The following SLC5A12 variants were observed in gnomAD, a reference collection of about 807,000 sequenced individuals.
SLC5A12 encodes the protein solute carrier family 5 member 12.
Under a neutral mutation model 72.7 loss-of-function variants are expected in SLC5A12, and 46 were observed. The observed-to-expected ratio is 0.63, with a 90% CI of 0.50 to 0.81. The LOEUF (loss-of-function observed/expected upper bound fraction) is 0.81, where lower values mean the gene tolerates loss of function less well. SLC5A12 is among the 30% of genes least tolerant of loss of function. The pLI is 0.00. For synonymous variants in SLC5A12, 275 were observed against 264.4 expected, an observed-to-expected ratio of 1.04 and a Z score of -0.39; for missense variants, 683 against 740.7, an observed-to-expected ratio of 0.92 and a Z score of 0.90.
Position 26,681,208 on chromosome 11 carries a change from C to T in SLC5A12, c.1322G>A (p.Gly441Asp). 1 of 1,595,442 alleles carries T rather than the reference C, an allele frequency of 6.3e-7. No homozygotes were observed. ...PFVNWKGALG[G>D]LLTGITLSFW... ...TGACAAGGTGATTCCAGTAAGAAGA[C>T]CTCCTAGTGCACCCTGGATGAAGAA... Residue 441 changes from glycine to aspartate, a missense_variant, in exon 12 of 15, where the codon GGT becomes GAT. Coordinates refer to ENST00000396005, the MANE Select transcript of SLC5A12 (RefSeq NM_178498.4).
intron 13 of SLC5A12, among the ~76,000 whole-genome samples, chr11:26,676,380 A>T (rs1250535846): frequency 2.0e-5 from 3 of 151,622 alleles, no homozygotes; most frequent in African/African-American, 7.3e-5. Context: ...AAAAAAAAAG[A>T]AAACAGGTAG....
chr11:26,695,282 T>C (rs1423421309), intron 8 of SLC5A12, among the ~76,000 whole-genome samples: 1 of 151,982 alleles, frequency 6.6e-6, no homozygotes, highest in Non-Finnish European at 1.5e-5. Context: ...TAGAAGAATA[T>C]AGAATGTAAT....
At chr11:26,680,362 T>TAA (rs1565185747) in intron 12 of SLC5A12, among the ~76,000 whole-genome samples, 36 of 101,586 alleles carry the variant, frequency 3.5e-4, no homozygotes, top group African/African-American at 1.3e-3. Context: ...TATATATATG[T>TAA]ATATATATTC....
At chr11:26,716,761 T>G (rs868573717) in intron 1 of SLC5A12, among the ~76,000 whole-genome samples, 2 of 152,178 alleles carry the variant, frequency 1.3e-5, no homozygotes, top group African/African-American at 2.4e-5. Context: ...CATATTTACT[T>G]GCATTCATCC....
At position 26,686,527 on chromosome 11, in the gene SLC5A12, T is replaced by G; in HGVS notation, c.1171A>C (p.Met391Leu). 6.2e-7 allele frequency: 1 copy of G among 1,613,922 alleles called. No homozygotes were observed. The highest frequency in any genetic ancestry group is 8.5e-7 in the Non-Finnish European group (1 of 1,179,900). ...GCAGCCACAGCCATAGAGGTACACA[T>G]CACGCCAAATAAGAGACCTGAAAGA... ...SKGLCLLFGV[M>L]CTSMAVAASV... Residue 391 changes from methionine (M) to leucine (L), a missense_variant, in exon 10 of 15, where the codon ATG becomes CTG. Physicochemically the swap from Met to Leu is conservative, Grantham distance 15. Transcript: ENST00000396005.
chr11:26,691,402 T>G (rs1019906638), intron 9 of SLC5A12, among the ~76,000 whole-genome samples: 6 of 152,148 alleles, frequency 3.9e-5, no homozygotes, highest in Non-Finnish European at 8.8e-5. Context: ...CCTGGTAATT[T>G]TCTTTTAGAA....
intron 13 of SLC5A12, 132 bp from the exon 14 acceptor site, chr11:26,673,661 A>T (rs1223913133): frequency 2.5e-6 from 3 of 1,217,038 alleles, no homozygotes; most frequent in Non-Finnish European, 3.3e-6. Context: ...AGTGGTTAAT[A>T]AACAGAAATT....
At chr11:26,719,547 C>T (rs867090478) in intron 1 of SLC5A12, among the ~76,000 whole-genome samples, 1 of 152,028 alleles carries the variant, frequency 6.6e-6, no homozygotes, top group African/African-American at 2.4e-5. Context: ...TATCTTTTAC[C>T]ATTGTCCCCT....
chr11:26,672,258 G>A (rs940547437), intron 14 of SLC5A12, among the ~76,000 whole-genome samples: 1 of 150,894 alleles, frequency 6.6e-6, no homozygotes, highest in African/African-American at 2.4e-5. Context: ...GTTTTCTGGA[G>A]ATAAGAGCAA....
rs1285371714 is a variant in SLC5A12 at position 26,692,977 on chromosome 11, G to T, written c.1041-376C>A. ...GAAAGTAGTGACTACTCTAACCCAGGAATCAGTAGAGCCTGCCACTCATTA... is the reference window on the plus strand; with the variant it reads ...GAAAGTAGTGACTACTCTAACCCAGTAATCAGTAGAGCCTGCCACTCATTA... On this transcript the variant is annotated intron_variant, in intron 8 of 14. Coordinates refer to ENST00000396005, the MANE Select transcript of SLC5A12 (RefSeq NM_178498.4). Among the ~76,000 whole-genome samples, 9 of 152,196 alleles carry T rather than the reference G, an allele frequency of 5.9e-5. No individual in the cohort carries two copies. The East Asian group carries it at 1.5e-3, about 26-fold the overall frequency.
At chr11:26,709,609 TTCC>T (rs1480144121) in intron 3 of SLC5A12, among the ~76,000 whole-genome samples, 2 of 152,218 alleles carry the variant, frequency 1.3e-5, no homozygotes, top group East Asian at 1.9e-4. Flanking sequence ...AGTCAAATTG[TTCC>T]TCCTAAGATT....
chr11:26,680,306 T>TATATATGTATATATATTC lies in SLC5A12; in HGVS notation c.1475+748_1475+749insGAATATATATACATATAT, dbSNP rs1565185553. Among the ~76,000 whole-genome samples, 176 of 21,306 alleles carry TATATATGTATATATATTC rather than the reference T, an allele frequency of 8.3e-3. 13 individuals are homozygous for TATATATGTATATATATTC. Among genetic ancestry groups the TATATATGTATATATATTC allele is most frequent in the Non-Finnish European group, 0.021 (122 of 5,848 alleles). The allele number at this position is 21,306 out of a possible 152,430, so 14.0% of individuals were successfully genotyped here. A position where few individuals can be genotyped will look rare whatever the true frequency, so the allele number is the denominator to read the frequency against. On this transcript the variant is annotated intron_variant, in intron 12 of 14. Coordinates refer to ENST00000396005, the MANE Select transcript of SLC5A12 (RefSeq NM_178498.4). ...CTTTATATATATGTATATATATTCA[T>TATATATGTATATATATTC]ATATATATATGTATATATATTCATA...
chr11:26,721,700 G>C lies in SLC5A12; in HGVS notation c.15C>G (p.Asn5Lys). The C allele has an allele frequency of 6.2e-7, 1 of 1,613,200 alleles. No homozygotes were observed. Among genetic ancestry groups the C allele is most frequent in the Non-Finnish European group, 8.5e-7 (1 of 1,179,666 alleles). The change falls in exon 1 of 15, where the codon AAC becomes AAG. Residue 5 changes from asparagine to lysine, a missense_variant. Physicochemically the swap from Asn to Lys is moderately conservative, Grantham distance 94 (BLOSUM62 0). Transcript: ENST00000396005. MEVK[N>K]FAVWDYVVFA... is the part of the protein sequence containing the mutation. The stretch of plus-strand genomic sequence containing the variant: ...ATACAACATAATCCCAAACTGCAAA[G>C]TTCTTCACCTCCATATTGGAAAGTA...
In SLC5A12 at chr11:26,670,353, C is replaced by T. The variant is rs1854110261; in HGVS notation, c.*749G>A. 6.6e-6 allele frequency: 1 copy of T among 152,056 alleles called. No individual in the cohort carries two copies. Among genetic ancestry groups the T allele is most frequent in the African/African-American group, 2.4e-5 (1 of 41,406 alleles). 9.4% of individuals were successfully genotyped at this position (152,056 alleles called of 1,614,324 possible). ...CTAGACTTCTTATTGAGCTCTGAGGCAATTTTTCATTGTAAAGTGATAGAA... is the reference window on the plus strand; with the variant it reads ...CTAGACTTCTTATTGAGCTCTGAGGTAATTTTTCATTGTAAAGTGATAGAA... On this transcript the variant is annotated 3_prime_UTR_variant, in exon 15 of 15. Transcript: ENST00000396005.
At chr11:26,700,494 T>C (rs1315422289) in intron 6 of SLC5A12, among the ~76,000 whole-genome samples, 1 of 149,010 alleles carries the variant, frequency 6.7e-6, no homozygotes, top group Non-Finnish European at 1.5e-5. Context: ...TAGAAGCAGG[T>C]AATGAACACT....
rs1391221110 is a variant in SLC5A12, at chr11:26,703,585, T to C, written c.767A>G (p.Asn256Ser). 1.9e-6 allele frequency: 3 copies of C among 1,613,926 alleles called. No homozygotes were observed. The highest frequency in any genetic ancestry group is 1.3e-5 in the African/African-American group (1 of 74,928). ...GATGCATCGCTGAATAGTTGATTGA[T>C]TGACCCCATAGATTCCGAGCCAAGT... Reference protein sequence around the residue: ...TFTWLGIYGVNQSTIQRCISC... With the variant: ...TFTWLGIYGVSQSTIQRCISC... The change falls in exon 6 of 15, where the codon AAT (asparagine) becomes AGT (serine). Residue 256 changes from asparagine to serine, a missense_variant. Physicochemically the swap from Asn to Ser is conservative, Grantham distance 46. Coordinates refer to ENST00000396005, the MANE Select transcript of SLC5A12 (RefSeq NM_178498.4).
In SLC5A12 at chr11:26,698,467, A is replaced by T; in HGVS notation, c.890T>A (p.Met297Lys). Residue 297 changes from methionine to lysine, a missense_variant, in exon 7 of 15, where the codon ATG becomes AAG. Transcript: ENST00000396005. ...LVCAVFSGLIMYSHFKDCDPW... is the reference protein window; with the variant it reads ...LVCAVFSGLIKYSHFKDCDPW... ...GTCACAGTCTTTAAAGTGAGAGTAC[A>T]TGATTAAGCCAGAGAAGACAGCACA... 1 of 1,614,078 alleles carries T rather than the reference A, an allele frequency of 6.2e-7. No homozygotes were observed. Among genetic ancestry groups the T allele is most frequent in the Non-Finnish European group, 8.5e-7 (1 of 1,179,966 alleles).
chr11:26,688,186 G>A (rs1854583000), intron 9 of SLC5A12, among the ~76,000 whole-genome samples: 1 of 152,178 alleles, frequency 6.6e-6, no homozygotes, highest in African/African-American at 2.4e-5. Context: ...GAAATTTGTG[G>A]AAATTTCATA....
chr11:26,717,581 T>C (rs1855379826), intron 1 of SLC5A12, among the ~76,000 whole-genome samples: 1 of 152,230 alleles, frequency 6.6e-6, no homozygotes, highest in East Asian at 1.9e-4. Flanking sequence ...GTAGCACAGA[T>C]GGCATATCTT....
Sources: gnomAD v4.1 joint callset for allele counts (sites outside exome capture counted in the v4.1 genomes callset) on GRCh38, gnomAD v4.1.1 for gene constraint, MANE v1.5 for transcripts, NCBI Gene and HGNC (gene_info 2026-07-23, HGNC 2026-07-21) for gene names.